The following CFAP299 variants were observed in gnomAD, a reference collection of about 807,000 sequenced individuals.
CFAP299 encodes the protein cilia- and flagella-associated protein 299.
A neutral mutation model predicts 27.0 loss-of-function variants in CFAP299; 21 were observed. That is an observed-to-expected ratio of 0.78 (90% confidence interval 0.55 to 1.12). The LOEUF (loss-of-function observed/expected upper bound fraction) is 1.12. Among genes scored for constraint, CFAP299 ranks in the 50% most tolerant of loss-of-function variants. The pLI, the probability that CFAP299 is intolerant of heterozygous loss-of-function variation, is 0.00. For missense variants in CFAP299, 310 were observed against 276.6 expected (o/e 1.12, Z -0.86); for synonymous variants, 104 against 98.1 (o/e 1.06, Z -0.36).
chr4:80,760,218 A>T (rs1725473409), intron 3 of CFAP299, among the ~76,000 whole-genome samples: 1 of 152,200 alleles, frequency 6.6e-6, no homozygotes, highest in Admixed American at 6.6e-5. Flanking sequence ...AAAGAGAAAG[A>T]AATACATTAG....
Position 80,944,953 on chromosome 4 carries a change from T to G in CFAP299, c.606+14T>G. 1.2e-6 allele frequency: 2 copies of G among 1,606,060 alleles called. No individual in the cohort carries two copies. Among genetic ancestry groups the G allele is most frequent in the Non-Finnish European group, 1.7e-6 (2 of 1,174,952 alleles). ...GTGGACCCAAAGGTAATTCTTCTTTTACACTTAGTTAGTTACCTCTTCACA... is the reference window on the plus strand; with the variant it reads ...GTGGACCCAAAGGTAATTCTTCTTTGACACTTAGTTAGTTACCTCTTCACA... On this transcript the variant is annotated intron_variant, in intron 5 of 5. Transcript: ENST00000358105.
upstream of CFAP299, among the ~76,000 whole-genome samples, chr4:80,332,106 T>C (rs2109958530): frequency 6.6e-6 from 1 of 152,320 alleles, no homozygotes; most frequent in Non-Finnish European, 1.5e-5. Context: ...CAAATGCTGC[T>C]AAATGTCAAG....
At chr4:80,845,606 G>A (rs114534144) in intron 3 of CFAP299, among the ~76,000 whole-genome samples, 3,197 of 152,092 alleles carry the variant, frequency 0.021, 139 homozygotes, top group African/African-American at 0.073. Context: ...TGTTCTTCAC[G>A]CACATCTTCC....
intron 4 of CFAP299, among the ~76,000 whole-genome samples, chr4:80,935,253 C>T (rs1432150329): frequency 6.6e-6 from 1 of 151,764 alleles, no homozygotes; most frequent in Non-Finnish European, 1.5e-5. Flanking sequence ...ATTGCATCTG[C>T]TTAAATTCCT....
At chr4:80,483,884 C>T (rs1730684362) in intron 2 of CFAP299, among the ~76,000 whole-genome samples, 2 of 152,112 alleles carry the variant, frequency 1.3e-5, no homozygotes, top group South Asian at 4.1e-4. Flanking sequence ...CTATTTTGTT[C>T]AGTGCCAATT....
At chr4:80,927,334 G>A (rs1393839092) in intron 4 of CFAP299, among the ~76,000 whole-genome samples, 1 of 151,934 alleles carries the variant, frequency 6.6e-6, no homozygotes, top group African/African-American at 2.4e-5. Flanking sequence ...CTGAGCCTCT[G>A]GTCCATCCCA....
rs1486856928 is a variant in CFAP299, at chr4:80,527,834, G to T, written c.243-55259G>T. Among the ~76,000 whole-genome samples, 6 of 152,116 alleles carry T rather than the reference G, an allele frequency of 3.9e-5. No individual in the cohort carries two copies. The East Asian group carries it at 5.8e-4, about 15-fold the overall frequency. Reference sequence around the variant, plus strand: ...CTATGATGTTGTTATATAAAGAAAAGAATTGATTGGGAAAGGGTAGTTAAA... The same window carrying T: ...CTATGATGTTGTTATATAAAGAAAATAATTGATTGGGAAAGGGTAGTTAAA... On this transcript the variant is annotated intron_variant, in intron 2 of 5. Coordinates refer to ENST00000358105, the MANE Select transcript of CFAP299 (RefSeq NM_152770.3).
rs765392417 is a variant in CFAP299 at position 80,567,729 on chromosome 4, A to ATTTT, written c.243-15361_243-15360insTTTT. Reference sequence around the variant, plus strand: ...TCACTTAAAAATGCTATTCTAATGTATTTATATATATATATATATATAAGT... The same window carrying ATTTT: ...TCACTTAAAAATGCTATTCTAATGTATTTTTTTATATATATATATATATATAAGT... On this transcript the variant is annotated intron_variant, in intron 2 of 5. Coordinates refer to ENST00000358105, the MANE Select transcript of CFAP299 (RefSeq NM_152770.3). Among the ~76,000 whole-genome samples the ATTTT allele has an allele frequency of 1.3e-4, 3 of 22,676 alleles. No homozygotes were observed. The South Asian group carries it at 0.012, about 94-fold the overall frequency. The allele number at this position is 22,676 out of a possible 152,430, so 14.9% of individuals were successfully genotyped here.
chr4:80,432,743 G>C (rs1398547599), intron 2 of CFAP299, among the ~76,000 whole-genome samples: 1 of 150,942 alleles, frequency 6.6e-6, no homozygotes, highest in Non-Finnish European at 1.5e-5. Context: ...TGTTAGCCAG[G>C]ATGGTCTCGA....
At chr4:80,893,030 T>G (rs1392741078) in intron 4 of CFAP299, among the ~76,000 whole-genome samples, 3 of 150,746 alleles carry the variant, frequency 2.0e-5, no homozygotes, top group Non-Finnish European at 4.4e-5. Context: ...TGAAATCAAT[T>G]CAGTAAAATA....
At chr4:80,687,012 C>T (rs1250050112) in intron 3 of CFAP299, among the ~76,000 whole-genome samples, 2 of 152,196 alleles carry the variant, frequency 1.3e-5, no homozygotes, top group African/African-American at 2.4e-5. Flanking sequence ...TGTTACTCTT[C>T]TTCCTTAGAA....
chr4:80,569,351 G>A (rs1181290611), intron 2 of CFAP299, among the ~76,000 whole-genome samples: 1 of 151,998 alleles, frequency 6.6e-6, no homozygotes, highest in Non-Finnish European at 1.5e-5. Flanking sequence ...TATTGGAAAA[G>A]TATATTACTA....
intron 4 of CFAP299, among the ~76,000 whole-genome samples, chr4:80,902,323 G>A (rs1408276589): frequency 6.9e-6 from 1 of 144,756 alleles, no homozygotes; most frequent in South Asian, 2.2e-4. Flanking sequence ...ATATATATAT[G>A]GATTATTATT....
chr4:80,660,922 G>C (rs1740809764), intron 3 of CFAP299, among the ~76,000 whole-genome samples: 2 of 152,084 alleles, frequency 1.3e-5, no homozygotes, highest in African/African-American at 4.8e-5. Flanking sequence ...AATGTTAGTA[G>C]GTCAGATACA....
intron 2 of CFAP299, among the ~76,000 whole-genome samples, chr4:80,454,487 G>A (rs918269645): frequency 2.6e-5 from 4 of 152,232 alleles, no homozygotes; most frequent in Admixed American, 2.6e-4. Flanking sequence ...GAGTCCTTGG[G>A]CATGAGAACC....
At chr4:80,593,840 T>A (rs887642100) in intron 3 of CFAP299, among the ~76,000 whole-genome samples, 1 of 152,202 alleles carries the variant, frequency 6.6e-6, no homozygotes, top group Admixed American at 6.5e-5. Context: ...GCTATACATT[T>A]CCCTCTAAGC....
rs188596023 is a variant in CFAP299 at position 80,622,822 on chromosome 4, C to T, written c.333+39639C>T. On this transcript the variant is annotated intron_variant, in intron 3 of 5. Coordinates refer to ENST00000358105, the MANE Select transcript of CFAP299 (RefSeq NM_152770.3). ...CTGACTCACATCATCTAAAAAAACT[C>T]CATGCAATACTTGAAACTAGAGATA... 2.4e-4 allele frequency among the ~76,000 whole-genome samples: 37 copies of T among 152,184 alleles called. No individual in the cohort carries two copies. In the East Asian group the frequency reaches 6.2e-3, roughly 26 times the overall value.
chr4:80,624,723 T>TA (rs997306109), intron 3 of CFAP299, among the ~76,000 whole-genome samples: 9 of 151,924 alleles, frequency 5.9e-5, no homozygotes, highest in African/African-American at 1.4e-4. Context: ...AGAGGATTTT[T>TA]AAAAAAACAG....
At chr4:80,527,849 G>A (rs1305881503) in intron 2 of CFAP299, among the ~76,000 whole-genome samples, 1 of 152,132 alleles carries the variant, frequency 6.6e-6, no homozygotes, top group East Asian at 1.9e-4. Context: ...GATTGGGAAA[G>A]GGTAGTTAAA....
Sources: gnomAD v4.1 joint callset for allele counts (sites outside exome capture counted in the v4.1 genomes callset) on GRCh38, gnomAD v4.1.1 for gene constraint, MANE v1.5 for transcripts, NCBI Gene and HGNC (gene_info 2026-07-23, HGNC 2026-07-21) for gene names.